The following ERI1 variants were observed in gnomAD, a reference collection of about 807,000 sequenced individuals.
ERI1 encodes 3'-5' exoribonuclease 1.
In ERI1, 39 loss-of-function variants were observed where a neutral mutation model predicts 39.7. That is an observed-to-expected ratio of 0.98 (90% confidence interval 0.76 to 1.28). The LOEUF is 1.28. Ranked by LOEUF, ERI1 falls within the 50% of genes most tolerant of loss-of-function variation. The pLI is 0.00. For missense variants in ERI1, 581 were observed against 416.9 expected, an observed-to-expected ratio of 1.39 and a Z score of -3.43; for synonymous variants, 204 against 149.6, an observed-to-expected ratio of 1.36 and a Z score of -2.65.
At chr8:9,095,365 C>T (rs929448472) in intron 3 of ERI1, among the ~76,000 whole-genome samples, 4 of 152,128 alleles carry the variant, frequency 2.6e-5, no homozygotes, top group Non-Finnish European at 1.5e-5. Context: ...TCTACCTCTC[C>T]CTACTTGGAG....
intron 3 of ERI1, among the ~76,000 whole-genome samples, chr8:9,050,166 T>A (rs1469257816): frequency 3.5e-5 from 1 of 28,360 alleles, no homozygotes; most frequent in Non-Finnish European, 6.7e-5. Flanking sequence ...ACATTCTAAG[T>A]GGTCAAAAAA....
intron 3 of ERI1, among the ~76,000 whole-genome samples, chr8:9,076,674 G>C (rs929376813): frequency 1.3e-5 from 2 of 152,228 alleles, no homozygotes; most frequent in Non-Finnish European, 2.9e-5. Flanking sequence ...ATAATATCCA[G>C]AGAAGGGTAA....
intron 1 of ERI1, among the ~76,000 whole-genome samples, chr8:9,005,482 C>T (rs1490457479): frequency 4.0e-5 from 6 of 150,374 alleles, no homozygotes; most frequent in African/African-American, 1.5e-4. Context: ...AAATTTGTAA[C>T]TCATCTTTAA....
intron 2 of ERI1, 39 bp downstream of exon 2, chr8:9,008,187 A>G (rs74497768): frequency 2.1e-6 from 3 of 1,431,432 alleles, no homozygotes; most frequent in Non-Finnish European, 1.9e-6. Context: ...AAAGTAGTAC[A>G]TGCTCATTTT....
chr8:9,080,462 G>A (rs528707987), intron 3 of ERI1, among the ~76,000 whole-genome samples: 1 of 152,330 alleles, frequency 6.6e-6, no homozygotes, highest in East Asian at 1.9e-4. Flanking sequence ...ACAGAGACGT[G>A]AACAGCACAC....
intron 3 of ERI1, among the ~76,000 whole-genome samples, chr8:9,077,164 C>A (rs1317884441): frequency 6.6e-6 from 1 of 152,214 alleles, no homozygotes; most frequent in East Asian, 1.9e-4. Context: ...TTTTACACTT[C>A]TTTTCCAGCC....
chr8:9,071,285 C>A (rs894257375), intron 3 of ERI1, among the ~76,000 whole-genome samples: 2 of 152,226 alleles, frequency 1.3e-5, no homozygotes, highest in African/African-American at 4.8e-5. Context: ...TTTCTCAAAG[C>A]AGCTTCAGTG....
At chr8:9,091,580 A>T (rs1220632430) in intron 3 of ERI1, 1 of 152,118 alleles carries the variant, frequency 6.6e-6, no homozygotes. Context: ...CTTATTTTGC[A>T]TTTCAATGTC....
intron 6 of ERI1, among the ~76,000 whole-genome samples, chr8:9,021,078 G>C (rs905552881): frequency 2.0e-5 from 3 of 151,940 alleles, no homozygotes; most frequent in Admixed American, 1.3e-4. Flanking sequence ...TTCCCTTCCT[G>C]CATCTTCCTA....
intron 3 of ERI1, among the ~76,000 whole-genome samples, chr8:9,069,887 G>A (rs535689605): frequency 6.6e-6 from 1 of 152,274 alleles, no homozygotes; most frequent in South Asian, 2.1e-4. Flanking sequence ...GGAATTTGCA[G>A]GTTTTAGAAA....
Position 9,010,271 on chromosome 8 carries a change from T to C in ERI1, c.288-1271T>C, listed in dbSNP as rs73662274. Among the ~76,000 whole-genome samples, 785 of 152,290 alleles carry C rather than the reference T, an allele frequency of 5.2e-3. 4 individuals carry two copies. The highest frequency in any genetic ancestry group is 0.017 in the African/African-American group (716 of 41,560). ...TAGCTTTGCAGACAACTCTGGTAAATGTAGTCTCTCCCCCTATCACACCTC... is the reference window on the plus strand; with the variant it reads ...TAGCTTTGCAGACAACTCTGGTAAACGTAGTCTCTCCCCCTATCACACCTC... On this transcript the variant is annotated intron_variant, in intron 2 of 6. Transcript: ENST00000250263.
chr8:9,023,222 A>C (rs1818104315), intron 6 of ERI1, among the ~76,000 whole-genome samples: 1 of 152,014 alleles, frequency 6.6e-6, no homozygotes, highest in South Asian at 2.1e-4. Flanking sequence ...CTTTTAAGAA[A>C]CTGAGTCATT....
intron 3 of ERI1, among the ~76,000 whole-genome samples, chr8:9,044,071 C>G (rs1341201601): frequency 6.6e-6 from 1 of 152,124 alleles, no homozygotes; most frequent in Non-Finnish European, 1.5e-5. Flanking sequence ...TTTATGAGCT[C>G]CCAATTTTCC....
chr8:9,003,411 G>T (rs1048376494), intron 1 of ERI1, among the ~76,000 whole-genome samples: 1 of 152,200 alleles, frequency 6.6e-6, no homozygotes, highest in Admixed American at 6.5e-5. Flanking sequence ...GTCTACAGTG[G>T]GTTAACAGGT....
Position 9,010,810 on chromosome 8 carries a change from T to C in ERI1, c.288-732T>C, listed in dbSNP as rs187342038. On this transcript the variant is annotated intron_variant, in intron 2 of 6. Coordinates refer to ENST00000250263, the MANE Select transcript of ERI1 (RefSeq NM_153332.4). ...GTTATCTGTTAGGATGACCTTTCTC[T>C]CCTCCCCACTACTCCATTTGTGGAA... Among the ~76,000 whole-genome samples, 23 of 152,294 alleles carry C rather than the reference T, an allele frequency of 1.5e-4. 1 individual carries two copies. The East Asian group carries it at 3.7e-3, about 24-fold the overall frequency.
At chr8:9,019,064 T>G (rs1817611673) in intron 5 of ERI1, among the ~76,000 whole-genome samples, 1 of 152,226 alleles carries the variant, frequency 6.6e-6, no homozygotes, top group Admixed American at 6.5e-5. Flanking sequence ...AGAGAAGGAC[T>G]TTTGCTGCCT....
At chr8:9,075,521 T>G (rs774741911) in intron 3 of ERI1, among the ~76,000 whole-genome samples, 5 of 151,530 alleles carry the variant, frequency 3.3e-5, no homozygotes, top group Non-Finnish European at 7.4e-5. Context: ...ATTTTCATTA[T>G]GAACACGGTC....
intron 3 of ERI1, among the ~76,000 whole-genome samples, chr8:9,053,436 G>T (rs1798417507): frequency 6.6e-6 from 1 of 152,198 alleles, no homozygotes; most frequent in African/African-American, 2.4e-5. Flanking sequence ...AGGATGGCAT[G>T]CCCAGAGAGG....
At position 9,003,099 on chromosome 8, in the gene ERI1, G is replaced by T; in HGVS notation, c.36G>T (p.Glu12Asp). ...EDPQSKEPAG[E>D]AVALALLESP... is the part of the protein sequence containing the mutation. ...CACAGAGTAAAGAGCCTGCCGGCGAGGCCGTGGCTCTCGCGCTGCTGGAGT... is the reference window on the plus strand; with the variant it reads ...CACAGAGTAAAGAGCCTGCCGGCGATGCCGTGGCTCTCGCGCTGCTGGAGT... The change falls in exon 1 of 7, where the codon GAG becomes GAT. Residue 12 changes from glutamate (E) to aspartate (D), a missense_variant. By Grantham distance (45) the Glu-to-Asp change is conservative. Coordinates refer to ENST00000250263, the MANE Select transcript of ERI1 (RefSeq NM_153332.4). The T allele has an allele frequency of 8.0e-7, 1 of 1,247,782 alleles. No individual in the cohort carries two copies. Among genetic ancestry groups the T allele is most frequent in the Non-Finnish European group, 1.0e-6 (1 of 989,510 alleles). 77.3% of individuals were successfully genotyped at this position (1,247,782 alleles called of 1,614,324 possible). A position where few individuals can be genotyped will look rare whatever the true frequency, so the allele number is the denominator to read the frequency against.
Sources: allele counts gnomAD v4.1 joint callset (sites outside exome capture counted in the v4.1 genomes callset), GRCh38; gene constraint gnomAD v4.1.1; transcripts MANE v1.5; gene names NCBI Gene and HGNC (gene_info 2026-07-23, HGNC 2026-07-21).